The following RPTOR variants were observed in gnomAD, a reference collection of about 807,000 sequenced individuals.
RPTOR encodes the protein regulatory-associated protein of mTOR.
In RPTOR, 21 loss-of-function variants were observed where a neutral mutation model predicts 169.9. The ratio of observed to expected loss-of-function variants is 0.12; its 90% confidence interval spans 0.09 to 0.18. RPTOR has a LOEUF of 0.18. RPTOR is among the 10% of genes least tolerant of loss of function. The probability of loss-of-function intolerance (pLI) is 1.00; values close to 1 mark genes in which losing one functional copy is unlikely to be tolerated. For synonymous variants in RPTOR, 732 were observed against 753.2 expected (o/e 0.97, Z 0.46); for missense variants, 1,133 against 1,855.9 (o/e 0.61, Z 7.16).
chr17:80,760,300 CTTTTTTCTTT>C (rs899505439), intron 6 of RPTOR, among the ~76,000 whole-genome samples: 2 of 96,500 alleles, frequency 2.1e-5, no homozygotes, highest in Non-Finnish European at 3.9e-5. Flanking sequence ...TTTCTTTTTT[CTTTTTTCTTT>C]TTTTTTTTTT....
At chr17:80,843,526 A>G (rs2067693437) in intron 10 of RPTOR, among the ~76,000 whole-genome samples, 1 of 151,790 alleles carries the variant, frequency 6.6e-6, no homozygotes, top group African/African-American at 2.4e-5. Context: ...GGTGTTAAAG[A>G]GAACCCTTCT....
At chr17:80,829,608 C>T (rs62070470) in intron 9 of RPTOR, among the ~76,000 whole-genome samples, 1 of 152,144 alleles carries the variant, frequency 6.6e-6, no homozygotes, top group South Asian at 2.1e-4. Flanking sequence ...GTGAAGCCCT[C>T]GGTGCCTCGG....
intron 20 of RPTOR, among the ~76,000 whole-genome samples, chr17:80,906,921 C>T (rs115213398): frequency 8.9e-4 from 136 of 152,222 alleles, no homozygotes; most frequent in African/African-American, 3.0e-3. Flanking sequence ...ACGGTGGGGG[C>T]GCGCACAGCA....
intron 1 of RPTOR, among the ~76,000 whole-genome samples, chr17:80,595,464 T>G (rs551408969): frequency 6.9e-6 from 1 of 144,278 alleles, no homozygotes; most frequent in African/African-American, 2.5e-5. Flanking sequence ...ACAGGGTTTT[T>G]CCCCCCCCTT....
intron 21 of RPTOR, among the ~76,000 whole-genome samples, chr17:80,921,370 T>A (rs2068742830): frequency 6.6e-6 from 1 of 152,108 alleles, no homozygotes; most frequent in South Asian, 2.1e-4. Context: ...TCAGGCCCCT[T>A]CTGAACGCGC....
rs74001074 is a variant in RPTOR at position 80,806,216 on chromosome 17, C to T, written c.890+14707C>T. 5.1e-3 allele frequency among the ~76,000 whole-genome samples: 773 copies of T among 152,248 alleles called. 8 individuals carry two copies. The highest frequency in any genetic ancestry group is 0.018 in the African/African-American group (754 of 41,534). On this transcript the variant is annotated intron_variant, in intron 7 of 33. Transcript: ENST00000306801. ...GTTCACTCCAAACCATTTCGGTAAC[C>T]CTGAGCCAGTATATCCTCCTGGAGA...
At chr17:80,605,288 C>T (rs2065220510) in intron 1 of RPTOR, among the ~76,000 whole-genome samples, 1 of 152,200 alleles carries the variant, frequency 6.6e-6, no homozygotes, top group Non-Finnish European at 1.5e-5. Flanking sequence ...TGGATGTGCT[C>T]TCATCCTCCT....
chr17:80,731,120 G>A (rs62067921), intron 5 of RPTOR, among the ~76,000 whole-genome samples: 8,326 of 152,182 alleles, frequency 0.055, 272 homozygotes, highest in Non-Finnish European at 0.078. Context: ...CTCAAGCAAC[G>A]CGTGTGCCTC....
intron 7 of RPTOR, among the ~76,000 whole-genome samples, chr17:80,818,858 T>G (rs2067350241): frequency 2.6e-5 from 4 of 152,210 alleles, no homozygotes; most frequent in Admixed American, 1.3e-4. Flanking sequence ...CTATCTGGCC[T>G]CCGTTTATCT....
chr17:80,670,273 CTT>C (rs1214223574), intron 3 of RPTOR, among the ~76,000 whole-genome samples: 1 of 152,198 alleles, frequency 6.6e-6, no homozygotes, highest in Non-Finnish European at 1.5e-5. Flanking sequence ...TCACCATCCA[CTT>C]AGTCACCAGG....
At chr17:80,810,092 T>TAAATAAAA (rs1252955272) in intron 7 of RPTOR, among the ~76,000 whole-genome samples, 23 of 148,638 alleles carry the variant, frequency 1.5e-4, no homozygotes, top group South Asian at 8.5e-4. Context: ...AATAAATAAA[T>TAAATAAAA]AAAACAGTCT....
At position 80,949,410 on chromosome 17, in the gene RPTOR, C is replaced by G. The variant is rs530912753; in HGVS notation, c.3266-33C>G. The G allele has an allele frequency of 1.3e-5, 20 of 1,569,618 alleles. No individual in the cohort carries two copies. The Admixed American group carries it at 3.2e-4, about 25-fold the overall frequency. On this transcript the variant is annotated intron_variant, in intron 27 of 33. Transcript: ENST00000306801. ...AGCACAGGCCAGGCCATCGAGGGGC[C>G]TGGTTCACATCCTTTCCTCTCTCCC...
rs1391079247 is a variant in RPTOR at position 80,646,857 on chromosome 17, C to T, written c.348+3047C>T. Among the ~76,000 whole-genome samples the T allele has an allele frequency of 2.6e-5, 4 of 152,298 alleles. No individual in the cohort carries two copies. The highest frequency in any genetic ancestry group is 2.1e-4 in the South Asian group (1 of 4,830). On this transcript the variant is annotated intron_variant, in intron 3 of 33. Transcript: ENST00000306801. This position sits in a 1 kb window ranked among gnomAD's most constrained non-coding sequence, Gnocchi z 5.0. ...AAGTTTGTCGGAGTCGTTGCCTCCACGCTGGCATGGATGGGAGCAGAGTAG... is the reference window on the plus strand; with the variant it reads ...AAGTTTGTCGGAGTCGTTGCCTCCATGCTGGCATGGATGGGAGCAGAGTAG...
chr17:80,877,768 T>A (rs573192355), intron 13 of RPTOR, among the ~76,000 whole-genome samples: 1 of 152,312 alleles, frequency 6.6e-6, no homozygotes, highest in South Asian at 2.1e-4. Context: ...AGTTGTTGCT[T>A]GAAAACTGCC....
chr17:80,844,846 G>A lies in RPTOR; in HGVS notation c.1213-1627G>A, dbSNP rs576092492. Reference sequence around the variant, plus strand: ...CACAGCCGACCCCGGCCAGATGAGCGGAGGGAGGGTTCCTCCCGACCTCCT... The same window carrying A: ...CACAGCCGACCCCGGCCAGATGAGCAGAGGGAGGGTTCCTCCCGACCTCCT... On this transcript the variant is annotated intron_variant, in intron 10 of 33. Transcript: ENST00000306801. The surrounding 1 kb of genome is among the most constrained non-coding windows in gnomAD (Gnocchi z 4.7). Among the ~76,000 whole-genome samples, 81 of 152,324 alleles carry A rather than the reference G, an allele frequency of 5.3e-4. No homozygotes were observed. In the East Asian group the frequency reaches 9.1e-3, roughly 17 times the overall value.
rs1308359860 is a variant in RPTOR at position 80,878,290 on chromosome 17, C to G, written c.1510-2125C>G. 6.6e-6 allele frequency among the ~76,000 whole-genome samples: 1 copy of G among 152,214 alleles called. No individual in the cohort carries two copies. Among genetic ancestry groups the G allele is most frequent in the African/African-American group, 2.4e-5 (1 of 41,452 alleles). ...CAGCATCCATGATTTGTACATCGCA[C>G]TGCAGTTTCAGACTGCTTTCACATG... On this transcript the variant is annotated intron_variant, in intron 13 of 33. Transcript: ENST00000306801. The surrounding 1 kb of genome is among the most constrained non-coding windows in gnomAD (Gnocchi z 4.1).
intron 6 of RPTOR, among the ~76,000 whole-genome samples, chr17:80,776,300 TGATATCTTTTGCCAAACTTCC>T (rs2066891152): frequency 1.3e-5 from 2 of 151,228 alleles, no homozygotes; most frequent in Non-Finnish European, 2.9e-5. Flanking sequence ...ATATAGCTCT[TGATATCTTTTGCCAAACTTCC>T]TTTTTTTTTT....
intron 6 of RPTOR, chr17:80,773,944 T>G: frequency 1.0e-6 from 1 of 985,124 alleles, no homozygotes; most frequent in South Asian, 4.7e-5. Flanking sequence ...CGGCCTGCCC[T>G]GGGGGCTATG....
intron 3 of RPTOR, among the ~76,000 whole-genome samples, chr17:80,670,386 G>T (rs555603342): frequency 7.9e-5 from 12 of 152,236 alleles, no homozygotes; most frequent in Admixed American, 7.8e-4. Flanking sequence ...TCACTGTCAT[G>T]CCACTGTTGC....
Sources: gnomAD v4.1 joint callset for allele counts (sites outside exome capture counted in the v4.1 genomes callset) on GRCh38, gnomAD v4.1.1 for gene constraint, Gnocchi (gnomAD v3.1) non-coding constraint, MANE v1.5 for transcripts, NCBI Gene and HGNC (gene_info 2026-07-23, HGNC 2026-07-21) for gene names.